The following GRIK2 variants were observed in gnomAD, a reference collection of about 807,000 sequenced individuals.
GRIK2 encodes glutamate receptor ionotropic, kainate 2.
A neutral mutation model predicts 100.3 loss-of-function variants in GRIK2; 32 were observed. The ratio of observed to expected loss-of-function variants is 0.32; its 90% CI spans 0.24 to 0.43. GRIK2 has a LOEUF of 0.43. GRIK2 is among the 20% of genes least tolerant of loss of function. The pLI is 1.00. For synonymous variants in GRIK2, 417 were observed against 389.4 expected (o/e 1.07, Z -0.83); for missense variants, 843 against 1,114.9 (o/e 0.76, Z 3.47).
chr6:101,601,319 T>TA (rs1779204186), intron 2 of GRIK2, among the ~76,000 whole-genome samples: 1 of 151,918 alleles, frequency 6.6e-6, no homozygotes. Flanking sequence ...TTTGATGTAC[T>TA]AAAGGATTCA....
intron 7 of GRIK2, among the ~76,000 whole-genome samples, chr6:101,710,027 G>A (rs1289685689): frequency 6.6e-6 from 1 of 151,772 alleles, no homozygotes; most frequent in Non-Finnish European, 1.5e-5. Context: ...TATTAACTCT[G>A]GGAATTATAT....
intron 11 of GRIK2, among the ~76,000 whole-genome samples, chr6:101,880,237 C>T (rs1293680811): frequency 2.6e-5 from 4 of 151,932 alleles, no homozygotes; most frequent in Admixed American, 1.3e-4. Context: ...TTTGGGGTAA[C>T]CAAATATAGA....
intron 13 of GRIK2, among the ~76,000 whole-genome samples, chr6:101,926,821 G>A (rs779207716): frequency 3.3e-5 from 5 of 152,078 alleles, no homozygotes; most frequent in East Asian, 1.9e-4. Flanking sequence ...GGAGGTACTC[G>A]CTTTAAGTCC....
At chr6:101,653,776 C>T (rs762495387) in intron 4 of GRIK2, among the ~76,000 whole-genome samples, 8 of 152,056 alleles carry the variant, frequency 5.3e-5, no homozygotes, top group Non-Finnish European at 8.8e-5. Flanking sequence ...CCTGCCACCA[C>T]GCCTGGCTAA....
At chr6:102,050,820 GAAGC>G (rs1434200299) in intron 15 of GRIK2, among the ~76,000 whole-genome samples, 2 of 150,148 alleles carry the variant, frequency 1.3e-5, no homozygotes, top group Non-Finnish European at 3.0e-5. Flanking sequence ...AGGAAGGAAG[GAAGC>G]AAGGAAAGAA....
intron 10 of GRIK2, 81 bp from the exon 11 acceptor site, chr6:101,859,206 G>A: frequency 1.5e-6 from 1 of 686,936 alleles, no homozygotes; most frequent in Non-Finnish European, 2.5e-6. Context: ...GAAAATTTCT[G>A]TCTTCTAAGA....
intron 2 of GRIK2, among the ~76,000 whole-genome samples, chr6:101,572,993 C>G (rs1289860316): frequency 6.6e-6 from 1 of 151,666 alleles, no homozygotes; most frequent in African/African-American, 2.4e-5. Flanking sequence ...ATTACAGGTG[C>G]CTGCCACCAT....
In GRIK2 at chr6:101,594,310, A is replaced by G. The variant is rs114690615; in HGVS notation, c.116-27639A>G. On this transcript the variant is annotated intron_variant, in intron 2 of 16. Transcript: ENST00000369134. ...TTTCTTTCAGAGAGTAAATACATCT[A>G]TTCCGTTGTTATTTAGTATTTAACA... Among the ~76,000 whole-genome samples the G allele has an allele frequency of 1.1e-3, 161 of 151,940 alleles. 1 individual carries two copies. Among genetic ancestry groups the G allele is most frequent in the African/African-American group, 3.8e-3 (156 of 41,530 alleles).
chr6:101,613,637 TA>T (rs933587771), intron 2 of GRIK2, among the ~76,000 whole-genome samples: 3 of 151,546 alleles, frequency 2.0e-5, no homozygotes, highest in Non-Finnish European at 4.4e-5. Flanking sequence ...ACTGTACTGT[TA>T]AAAAAATCCA....
chr6:101,482,054 A>G (rs1021723399), intron 2 of GRIK2, among the ~76,000 whole-genome samples: 1 of 152,186 alleles, frequency 6.6e-6, no homozygotes, highest in African/African-American at 2.4e-5. Context: ...GAGTCAATTA[A>G]ACCTCTTTCC....
rs1006623996 is a variant in GRIK2, at chr6:101,399,167, C to T, written c.-111C>T. ...ACTCCTTCCTCTCTCTATGACCATG[C>T]CGTGATCGTGTCTGCGGTCACCACT... On this transcript the variant is annotated 5_prime_UTR_variant, in exon 2 of 17. Coordinates refer to ENST00000369134, the MANE Select transcript of GRIK2 (RefSeq NM_021956.5). The T allele has an allele frequency of 4.2e-6, 3 of 708,784 alleles. No homozygotes were observed. Among genetic ancestry groups the T allele is most frequent in the Admixed American group, 1.9e-5 (1 of 52,508 alleles). The allele number at this position is 708,784 out of a possible 1,614,324, so 43.9% of individuals were successfully genotyped here.
intron 7 of GRIK2, among the ~76,000 whole-genome samples, chr6:101,702,382 T>G (rs1167420283): frequency 1.3e-5 from 2 of 151,986 alleles, no homozygotes; most frequent in Non-Finnish European, 2.9e-5. Flanking sequence ...AGTTAGATGT[T>G]GTACATTAAC....
chr6:101,819,126 T>C lies in GRIK2; in HGVS notation c.1317+643T>C, dbSNP rs181108195. The stretch of plus-strand genomic sequence containing the variant: ...TAGATCACACAGTAATGTTCGCTTA[T>C]GCCCACTATGTCATTTGCAAAAGGG... On this transcript the variant is annotated intron_variant, in intron 10 of 16. Transcript: ENST00000369134. 3.9e-5 allele frequency among the ~76,000 whole-genome samples: 6 copies of C among 152,296 alleles called. No homozygotes were observed. In the East Asian group the frequency reaches 1.2e-3, roughly 29 times the overall value.
intron 7 of GRIK2, among the ~76,000 whole-genome samples, chr6:101,774,905 T>C (rs541578393): frequency 9.2e-5 from 14 of 152,128 alleles, no homozygotes; most frequent in Non-Finnish European, 1.8e-4. Context: ...ATGGTAAGTA[T>C]ATACTATTCT....
chr6:101,765,044 G>T (rs1485466511), intron 7 of GRIK2, among the ~76,000 whole-genome samples: 2 of 152,042 alleles, frequency 1.3e-5, no homozygotes, highest in Non-Finnish European at 2.9e-5. Context: ...CTGTCTTGTT[G>T]TCTCTCATTT....
chr6:101,405,262 C>T (rs141475208), intron 2 of GRIK2, among the ~76,000 whole-genome samples: 2 of 152,064 alleles, frequency 1.3e-5, no homozygotes, highest in Non-Finnish European at 2.9e-5. Flanking sequence ...GTTAAATAAG[C>T]TTTCTTCAAA....
chr6:101,950,790 A>T (rs1791562386), intron 14 of GRIK2, among the ~76,000 whole-genome samples: 1 of 152,158 alleles, frequency 6.6e-6, no homozygotes, highest in Admixed American at 6.6e-5. Context: ...GAGCCAGGAA[A>T]CACATTCCAC....
At chr6:101,637,001 A>G (rs1328749022) in intron 4 of GRIK2, among the ~76,000 whole-genome samples, 1 of 152,072 alleles carries the variant, frequency 6.6e-6, no homozygotes, top group Non-Finnish European at 1.5e-5. Context: ...TTTTCAGGGC[A>G]AAAATAAAAA....
At chr6:101,956,558 C>T (rs563711510) in intron 14 of GRIK2, among the ~76,000 whole-genome samples, 13 of 151,890 alleles carry the variant, frequency 8.6e-5, no homozygotes, top group African/African-American at 2.7e-4. Context: ...TTCATAGCTC[C>T]GGTGTCTATT....
Sources: allele counts gnomAD v4.1 joint callset (sites outside exome capture counted in the v4.1 genomes callset), GRCh38; gene constraint gnomAD v4.1.1; transcripts MANE v1.5; gene names NCBI Gene and HGNC (gene_info 2026-07-23, HGNC 2026-07-21).